Variants in H1-4 observed in about 807,000 individuals in gnomAD.
H1-4 encodes the protein H1.4 linker histone, cluster member.
In H1-4, 9 loss-of-function variants were observed where a neutral mutation model predicts 7.2. The ratio of observed to expected loss-of-function variants is 1.25; its 90% CI spans 0.75 to 2.18. The LOEUF is 2.18. Ranked by LOEUF, H1-4 falls within the 30% of genes most tolerant of loss-of-function variation. H1-4 has a pLI of 0.00. For missense variants in H1-4, 646 were observed against 287.9 expected (o/e 2.24, Z -9.00); for synonymous variants, 318 against 126.6 (o/e 2.51, Z -10.15).
chr6:26,156,952 C>T lies in H1-4; in HGVS notation c.562C>T (p.Pro188Ser), dbSNP rs375587685. Residue 188 changes from proline to serine, a missense_variant, in exon 1 of 1, where the codon CCA becomes TCA. By Grantham distance (74) the Pro-to-Ser change is moderately conservative. Coordinates refer to ENST00000304218, the MANE Select transcript of H1-4 (RefSeq NM_005321.3). ...CAAGCCAAAAAAGGCGCCCAAGAGC[C>T]CAGCGAAGGCCAAAGCAGTTAAACC... ...AAKPKKAPKSPAKAKAVKPKA... is the reference protein window; with the variant it reads ...AAKPKKAPKSSAKAKAVKPKA... 27 of 1,612,318 alleles carry T rather than the reference C, an allele frequency of 1.7e-5. No homozygotes were observed. Among genetic ancestry groups the T allele is most frequent in the Admixed American group, 3.3e-5 (2 of 59,888 alleles).
At position 26,156,941 on chromosome 6, in the gene H1-4, C is replaced by G. The variant is rs773692862; in HGVS notation, c.551C>G (p.Ala184Gly). 6.2e-7 allele frequency: 1 copy of G among 1,612,334 alleles called. No individual in the cohort carries two copies. Among genetic ancestry groups the G allele is most frequent in the Non-Finnish European group, 8.5e-7 (1 of 1,179,838 alleles). Residue 184 changes from alanine (A) to glycine (G), a missense_variant, in exon 1 of 1, where the codon GCG (alanine) becomes GGG (glycine). Ala to Gly is a moderately conservative substitution (Grantham distance 60). Transcript: ENST00000304218. ...GCGAAAGCAGCCAAGCCAAAAAAGG[C>G]GCCCAAGAGCCCAGCGAAGGCCAAA... The part of the protein sequence containing the change: ...KKAKAAKPKK[A>G]PKSPAKAKAV...
chr6:26,156,758 C>T lies in H1-4; in HGVS notation c.368C>T (p.Ala123Val), dbSNP rs146299591. The T allele has an allele frequency of 8.8e-5, 142 of 1,613,658 alleles. No individual in the cohort carries two copies. Among genetic ancestry groups the T allele is most frequent in the Non-Finnish European group, 1.1e-4 (125 of 1,179,892 alleles). Residue 123 changes from alanine (A) to valine (V), a missense_variant, in exon 1 of 1, where the codon GCA becomes GTA. Coordinates refer to ENST00000304218, the MANE Select transcript of H1-4 (RefSeq NM_005321.3). ...SGEAKPKAKK[A>V]GAAKAKKPAG... The stretch of plus-strand genomic sequence containing the variant: ...GAAGCCAAGCCTAAGGCTAAAAAGG[C>T]AGGCGCGGCCAAGGCCAAGAAGCCA...
At position 26,156,765 on chromosome 6, in the gene H1-4, G is replaced by A. The variant is rs61729264; in HGVS notation, c.375G>A (p.Ala125=). 1.9e-6 allele frequency: 3 copies of A among 1,613,214 alleles called. No homozygotes were observed. The highest frequency in any genetic ancestry group is 2.5e-6 in the Non-Finnish European group (3 of 1,179,706). ...EAKPKAKKAG[A]AKAKKPAGAA... ...AGCCTAAGGCTAAAAAGGCAGGCGC[G>A]GCCAAGGCCAAGAAGCCAGCAGGAG... Residue 125 remains alanine (A), a synonymous_variant, in exon 1 of 1, where the codon GCG becomes GCA. Transcript: ENST00000304218.
rs376984333 is a variant in H1-4, at chr6:26,156,344, G to A, written c.-47G>A. 11 of 1,497,108 alleles carry A rather than the reference G, an allele frequency of 7.3e-6. No homozygotes were observed. The highest frequency in any genetic ancestry group is 4.3e-5 in the Admixed American group (2 of 46,084). 92.7% of individuals were successfully genotyped at this position (1,497,108 alleles called of 1,614,324 possible). A position where few individuals can be genotyped will look rare whatever the true frequency, so the allele number is the denominator to read the frequency against. ...CGCCGCGGCTCGAGTCCCGGCCAGT[G>A]CCTCTGCTTCCGGCTCGAATTGCTC... On this transcript the variant is annotated 5_prime_UTR_variant, in exon 1 of 1. Transcript: ENST00000304218.
chr6:26,156,469 T>G lies in H1-4; in HGVS notation c.79T>G (p.Ser27Ala). The change falls in exon 1 of 1, where the codon TCT (serine) becomes GCT (alanine). Residue 27 changes from serine (S) to alanine (A), a missense_variant. Transcript: ENST00000304218. ...TCCCGTGAAGAAGAAGGCCCGCAAG[T>G]CTGCAGGTGCGGCCAAGCGCAAAGC... ...KTPVKKKARK[S>A]AGAAKRKASG... The G allele has an allele frequency of 6.2e-7, 1 of 1,612,914 alleles. No individual in the cohort carries two copies.
rs1267023134 is a variant in H1-4, at chr6:26,156,934, A to G, written c.544A>G (p.Lys182Glu). 1.2e-6 allele frequency: 2 copies of G among 1,612,376 alleles called. No homozygotes were observed. Among genetic ancestry groups the G allele is most frequent in the South Asian group, 1.1e-5 (1 of 91,028 alleles). The change falls in exon 1 of 1, where the codon AAA becomes GAA. Residue 182 changes from lysine (K) to glutamate (E), a missense_variant. Lys to Glu is a moderately conservative substitution (Grantham distance 56). Transcript: ENST00000304218. The stretch of plus-strand genomic sequence containing the variant: ...GAAAAAGGCGAAAGCAGCCAAGCCA[A>G]AAAAGGCGCCCAAGAGCCCAGCGAA... ...SPKKAKAAKPKKAPKSPAKAK... is the reference protein window; with the variant it reads ...SPKKAKAAKPEKAPKSPAKAK...
At position 26,156,329 on chromosome 6, in the gene H1-4, C is replaced by T. The variant is rs568733098; in HGVS notation, c.-62C>T. 2.2e-4 allele frequency: 311 copies of T among 1,440,694 alleles called. 1 individual carries two copies. The highest frequency in any genetic ancestry group is 2.0e-3 in the Middle Eastern group (8 of 3,928). 89.2% of individuals were successfully genotyped at this position (1,440,694 alleles called of 1,614,324 possible). A position where few individuals can be genotyped will look rare whatever the true frequency, so the allele number is the denominator to read the frequency against. The stretch of plus-strand genomic sequence containing the variant: ...AACGGGCGGGCGCAGCGCCGCGGCT[C>T]GAGTCCCGGCCAGTGCCTCTGCTTC... On this transcript the variant is annotated 5_prime_UTR_variant, in exon 1 of 1. Transcript: ENST00000304218.
In H1-4 at chr6:26,156,527, A is replaced by G. The variant is rs1764174651; in HGVS notation, c.137A>G (p.Lys46Arg). Residue 46 changes from lysine (K) to arginine (R), a missense_variant, in exon 1 of 1, where the codon AAA becomes AGA. Lys to Arg is a conservative substitution (Grantham distance 26). Coordinates refer to ENST00000304218, the MANE Select transcript of H1-4 (RefSeq NM_005321.3). ...CCCCCGGTGTCCGAGCTCATTACTA[A>G]AGCTGTTGCCGCCTCCAAGGAGCGC... The part of the protein sequence containing the change: ...SGPPVSELIT[K>R]AVAASKERSG... 1 of 1,614,012 alleles carries G rather than the reference A, an allele frequency of 6.2e-7. No individual in the cohort carries two copies. Among genetic ancestry groups the G allele is most frequent in the Non-Finnish European group, 8.5e-7 (1 of 1,179,974 alleles).
In H1-4 at chr6:26,156,569, C is replaced by T. The variant is rs760029136; in HGVS notation, c.179C>T (p.Ala60Val). 22 of 1,614,022 alleles carry T rather than the reference C, an allele frequency of 1.4e-5. No individual in the cohort carries two copies. The highest frequency in any genetic ancestry group is 2.2e-5 in the East Asian group (1 of 44,878). ...AAGGAGCGCAGCGGCGTATCTTTGG[C>T]CGCTCTCAAGAAAGCGCTGGCAGCC... ...ASKERSGVSL[A>V]ALKKALAAAG... is the part of the protein sequence containing the mutation. The change falls in exon 1 of 1, where the codon GCC (alanine) becomes GTC (valine). Residue 60 changes from alanine (A) to valine (V), a missense_variant. Physicochemically the swap from Ala to Val is moderately conservative, Grantham distance 64. Coordinates refer to ENST00000304218, the MANE Select transcript of H1-4 (RefSeq NM_005321.3).
rs1365353986 is a variant in H1-4 at position 26,156,808 on chromosome 6, A to G, written c.418A>G (p.Lys140Glu). The G allele has an allele frequency of 6.2e-7, 1 of 1,609,440 alleles. No homozygotes were observed. The highest frequency in any genetic ancestry group is 1.7e-5 in the Admixed American group (1 of 58,968). ...KPAGAAKKPK[K>E]ATGAATPKKS... ...AGCAGGAGCGGCGAAGAAGCCCAAG[A>G]AGGCGACGGGGGCGGCCACCCCCAA... is the stretch of plus-strand genomic sequence containing the variant. Residue 140 changes from lysine to glutamate, a missense_variant, in exon 1 of 1, where the codon AAG becomes GAG. By Grantham distance (56) the Lys-to-Glu change is moderately conservative. Coordinates refer to ENST00000304218, the MANE Select transcript of H1-4 (RefSeq NM_005321.3).
chr6:26,156,794 C>G lies in H1-4; in HGVS notation c.404C>G (p.Ala135Gly), dbSNP rs1235916577. The change falls in exon 1 of 1, where the codon GCG becomes GGG. Residue 135 changes from alanine (A) to glycine (G), a missense_variant. Ala to Gly is a moderately conservative substitution (Grantham distance 60). Transcript: ENST00000304218. ...AAKAKKPAGA[A>G]KKPKKATGAA... is the part of the protein sequence containing the mutation. ...AAGGCCAAGAAGCCAGCAGGAGCGG[C>G]GAAGAAGCCCAAGAAGGCGACGGGG... is the stretch of plus-strand genomic sequence containing the variant. The G allele has an allele frequency of 1.2e-6, 2 of 1,611,056 alleles. No individual in the cohort carries two copies. The highest frequency in any genetic ancestry group is 1.7e-6 in the Non-Finnish European group (2 of 1,178,682).
In H1-4 at chr6:26,157,005, G is replaced by C; in HGVS notation, c.615G>C (p.Lys205Asn). 1 of 1,591,654 alleles carries C rather than the reference G, an allele frequency of 6.3e-7. No homozygotes were observed. Among genetic ancestry groups the C allele is most frequent in the Non-Finnish European group, 8.5e-7 (1 of 1,174,566 alleles). ...AGGCGGCTAAACCAAAGACCGCCAA[G>C]CCCAAGGCAGCCAAGCCAAAGAAGG... ...KPKAAKPKTA[K>N]PKAAKPKKAA... is the part of the protein sequence containing the mutation. The change falls in exon 1 of 1, where the codon AAG (lysine) becomes AAC (asparagine). Residue 205 changes from lysine (K) to asparagine (N), a missense_variant. Coordinates refer to ENST00000304218, the MANE Select transcript of H1-4 (RefSeq NM_005321.3).
In H1-4 at chr6:26,156,449, T is replaced by A; in HGVS notation, c.59T>A (p.Val20Glu). 6.2e-7 allele frequency: 1 copy of A among 1,611,208 alleles called. No homozygotes were observed. The highest frequency in any genetic ancestry group is 8.5e-7 in the Non-Finnish European group (1 of 1,178,904). Residue 20 changes from valine to glutamate, a missense_variant, in exon 1 of 1, where the codon GTG becomes GAG. Transcript: ENST00000304218. ...AAPAPAEKTP[V>E]KKKARKSAGA... ...CCGGCCCCTGCCGAGAAGACTCCCG[T>A]GAAGAAGAAGGCCCGCAAGTCTGCA...
chr6:26,156,892 A>C lies in H1-4; in HGVS notation c.502A>C (p.Lys168Gln), dbSNP rs751517724. The change falls in exon 1 of 1, where the codon AAA (lysine) becomes CAA (glutamine). Residue 168 changes from lysine (K) to glutamine (Q), a missense_variant. Coordinates refer to ENST00000304218, the MANE Select transcript of H1-4 (RefSeq NM_005321.3). The stretch of plus-strand genomic sequence containing the variant: ...GAAGCCGGCTGCAGCTGCTGGAGCC[A>C]AAAAAGCGAAAAGCCCGAAAAAGGC... ...AKKPAAAAGA[K>Q]KAKSPKKAKA... The C allele has an allele frequency of 2.5e-6, 4 of 1,608,708 alleles. No individual in the cohort carries two copies. Among genetic ancestry groups the C allele is most frequent in the Middle Eastern group, 1.9e-4 (1 of 5,210 alleles).
rs142100411 is a variant in H1-4 at position 26,156,627 on chromosome 6, C to T, written c.237C>T (p.Arg79=). The T allele has an allele frequency of 4.3e-4, 701 of 1,614,252 alleles. 1 individual carries two copies. Among genetic ancestry groups the T allele is most frequent in the Non-Finnish European group, 5.4e-4 (636 of 1,180,044 alleles). ...ATGACGTGGAGAAGAACAACAGCCG[C>T]ATCAAGCTGGGTCTCAAGAGCCTGG... ...AGYDVEKNNS[R]IKLGLKSLVS... Residue 79 remains arginine (R), a synonymous_variant, in exon 1 of 1, where the codon CGC becomes CGT. Coordinates refer to ENST00000304218, the MANE Select transcript of H1-4 (RefSeq NM_005321.3).
Position 26,156,725 on chromosome 6 carries a change from C to A in H1-4, c.335C>A (p.Ala112Asp). The change falls in exon 1 of 1, where the codon GCC becomes GAC. Residue 112 changes from alanine to aspartate, a missense_variant. Transcript: ENST00000304218. ...SGSFKLNKKAASGEAKPKAKK... is the reference protein window; with the variant it reads ...SGSFKLNKKADSGEAKPKAKK... ...TCCTTCAAACTCAACAAGAAGGCGG[C>A]CTCTGGGGAAGCCAAGCCTAAGGCT... The A allele has an allele frequency of 6.2e-7, 1 of 1,614,122 alleles. No individual in the cohort carries two copies. The highest frequency in any genetic ancestry group is 8.5e-7 in the Non-Finnish European group (1 of 1,180,030).
In H1-4 at chr6:26,157,110, C is replaced by A; in HGVS notation, c.*60C>A. 2 of 1,538,528 alleles carry A rather than the reference C, an allele frequency of 1.3e-6. No homozygotes were observed. The highest frequency in any genetic ancestry group is 2.3e-5 in the East Asian group (1 of 44,298). On this transcript the variant is annotated 3_prime_UTR_variant, in exon 1 of 1. Coordinates refer to ENST00000304218, the MANE Select transcript of H1-4 (RefSeq NM_005321.3). ...ACAACCCAAAGGCTCTTTTCAGAGC[C>A]ACCCACCGCTCTCAGTAAAAGAGCT...
In H1-4 at chr6:26,157,006, C is replaced by G. The variant is rs1310772614; in HGVS notation, c.616C>G (p.Pro206Ala). 3 of 1,591,450 alleles carry G rather than the reference C, an allele frequency of 1.9e-6. No homozygotes were observed. The highest frequency in any genetic ancestry group is 1.4e-5 in the African/African-American group (1 of 73,106). The change falls in exon 1 of 1, where the codon CCC becomes GCC. Residue 206 changes from proline (P) to alanine (A), a missense_variant. Coordinates refer to ENST00000304218, the MANE Select transcript of H1-4 (RefSeq NM_005321.3). ...PKAAKPKTAK[P>A]KAAKPKKAAA... ...GGCGGCTAAACCAAAGACCGCCAAGCCCAAGGCAGCCAAGCCAAAGAAGGC... is the reference window on the plus strand; with the variant it reads ...GGCGGCTAAACCAAAGACCGCCAAGGCCAAGGCAGCCAAGCCAAAGAAGGC...
Position 26,156,756 on chromosome 6 carries a change from G to A in H1-4, c.366G>A (p.Lys122=), listed in dbSNP as rs200272831. 40 of 1,613,616 alleles carry A rather than the reference G, an allele frequency of 2.5e-5. No homozygotes were observed. The African/African-American group carries it at 3.1e-4, about 12-fold the overall frequency. The change falls in exon 1 of 1, where the codon AAG becomes AAA. Residue 122 remains lysine (K), a synonymous_variant. Transcript: ENST00000304218. The stretch of plus-strand genomic sequence containing the variant: ...GGGAAGCCAAGCCTAAGGCTAAAAA[G>A]GCAGGCGCGGCCAAGGCCAAGAAGC... ...ASGEAKPKAK[K]AGAAKAKKPA...
Sources: allele counts gnomAD v4.1 joint callset, GRCh38; gene constraint gnomAD v4.1.1; transcripts MANE v1.5; gene names NCBI Gene and HGNC (gene_info 2026-07-23, HGNC 2026-07-21).